ACIN1: variants seen among roughly 807,000 people sequenced by gnomAD.
The protein encoded by ACIN1 is apoptotic chromatin condensation inducer in the nucleus.
In ACIN1, 16 loss-of-function variants were observed where a neutral mutation model predicts 146.6. That is an observed-to-expected ratio of 0.11 (90% CI 0.07 to 0.17). The LOEUF (loss-of-function observed/expected upper bound fraction) is 0.17, where lower values mean the gene tolerates loss of function less well. Ranked by LOEUF, ACIN1 falls within the 10% of genes least tolerant of loss-of-function variation. The pLI, the probability that ACIN1 is intolerant of heterozygous loss-of-function variation, is 1.00. For synonymous variants in ACIN1, 569 were observed against 582.7 expected, an observed-to-expected ratio of 0.98 and a Z score of 0.34; for missense variants, 1,357 against 1,609.3, an observed-to-expected ratio of 0.84 and a Z score of 2.68.
chr14:23,083,487 C>CT (rs1428860100), intron 4 of ACIN1, among the ~76,000 whole-genome samples: 2 of 152,194 alleles, frequency 1.3e-5, no homozygotes, highest in Admixed American at 6.5e-5. Flanking sequence ...AATCCTAGCA[C>CT]TTTGAGAGGT....
In ACIN1 at chr14:23,090,117, C is replaced by T. The variant is rs752957374; in HGVS notation, c.317-16G>A. On this transcript the variant is annotated splice_polypyrimidine_tract_variant and intron_variant, in intron 3 of 18. Transcript: ENST00000605057. ...GCTGAAGCTTCTGCAAAGTACAGAT[C>T]GGGTCGGGGCAGGGAGGGAGTGAAG... is the stretch of plus-strand genomic sequence containing the variant. The T allele has an allele frequency of 2.0e-5, 32 of 1,611,020 alleles. No individual in the cohort carries two copies. The highest frequency in any genetic ancestry group is 2.7e-5 in the African/African-American group (2 of 74,800).
At chr14:23,081,429 C>G (rs149875662) in intron 5 of ACIN1, among the ~76,000 whole-genome samples, 1 of 151,974 alleles carries the variant, frequency 6.6e-6, no homozygotes, top group Non-Finnish European at 1.5e-5. Context: ...AAAGACAAAA[C>G]GAACAACAAA....
intron 10 of ACIN1, among the ~76,000 whole-genome samples, chr14:23,065,524 T>G (rs117613475): frequency 0.014 from 2,069 of 152,140 alleles, 24 homozygotes; most frequent in Non-Finnish European, 0.021. Context: ...GAGGCGGAGG[T>G]TGCAGTGAGC....
intron 9 of ACIN1, 149 bp from the exon 10 acceptor site, chr14:23,066,157 C>G (rs982016092): frequency 3.2e-6 from 2 of 618,254 alleles, no homozygotes; most frequent in Non-Finnish European, 5.5e-6. Context: ...CAGAGACAGA[C>G]AGAGACCAAA....
In ACIN1 at chr14:23,090,532, T is replaced by A; in HGVS notation, c.306A>T (p.Ala102=). 1.9e-6 allele frequency: 3 copies of A among 1,613,960 alleles called. No homozygotes were observed. The highest frequency in any genetic ancestry group is 2.5e-6 in the Non-Finnish European group (3 of 1,179,838). ...QRLEREAREA[A]ELEEASAESE... ...ACAATCTGGGCTTACCTTCAAGTTC[T>A]GCAGCTTCTCGAGCTTCACGTTCCA... Residue 102 remains alanine, a synonymous_variant, in exon 3 of 19, where the codon GCA becomes GCT. Coordinates refer to ENST00000605057, the MANE Select transcript of ACIN1 (RefSeq NM_001386863.1).
rs2047561099 is a variant in ACIN1, at chr14:23,069,491, A to C, written c.2250T>G (p.Asp750Glu). The change falls in exon 9 of 19, where the codon GAT (aspartate) becomes GAG (glutamate). Residue 750 changes from aspartate to glutamate, a missense_variant. This residue lies in a region of ACIN1 where 771 missense variants were observed against 746.6 expected (regional missense o/e 1.03). Transcript: ENST00000605057. Reference sequence around the variant, plus strand: ...GGATGTTTACCTCTTTCTTCTCCTCATCTTCAACACTGCCCTCCGGGCGGT... The same window carrying C: ...GGATGTTTACCTCTTTCTTCTCCTCCTCTTCAACACTGCCCTCCGGGCGGT... ...NDDRPEGSVE[D>E]EEKKESSLPK... 1.2e-6 allele frequency: 2 copies of C among 1,613,720 alleles called. No individual in the cohort carries two copies. Among genetic ancestry groups the C allele is most frequent in the Non-Finnish European group, 1.7e-6 (2 of 1,179,850 alleles).
At chr14:23,087,686 TCCC>T (rs1210229560) in intron 4 of ACIN1, among the ~76,000 whole-genome samples, 68 of 151,690 alleles carry the variant, frequency 4.5e-4, no homozygotes, top group Non-Finnish European at 1.2e-4. Context: ...TTTCAATGGT[TCCC>T]CCATTACCTA....
In ACIN1 at chr14:23,059,023, G is replaced by T; in HGVS notation, c.*125C>A. ...GGATGGCCACTTTTCCATTTGGTAT[G>T]TATGTAGGGATAGGTGATGTGAAAG... On this transcript the variant is annotated 3_prime_UTR_variant, in exon 19 of 19. Transcript: ENST00000605057. 4 of 864,694 alleles carry T rather than the reference G, an allele frequency of 4.6e-6. No homozygotes were observed. Among genetic ancestry groups the T allele is most frequent in the Non-Finnish European group, 7.3e-6 (4 of 549,788 alleles). The allele number at this position is 864,694 out of a possible 1,614,324, so 53.6% of individuals were successfully genotyped here. A position where few individuals can be genotyped will look rare whatever the true frequency, so the allele number is the denominator to read the frequency against.
Position 23,061,109 on chromosome 14 carries a change from T to C in ACIN1, c.3500A>G (p.Tyr1167Cys), listed in dbSNP as rs955575040. 2.5e-6 allele frequency: 4 copies of C among 1,613,920 alleles called. No individual in the cohort carries two copies. The highest frequency in any genetic ancestry group is 2.7e-5 in the African/African-American group (2 of 74,884). The change falls in exon 18 of 19, where the codon TAT becomes TGT. Residue 1167 changes from tyrosine to cysteine, a missense_variant. Coordinates refer to ENST00000605057, the MANE Select transcript of ACIN1 (RefSeq NM_001386863.1). Reference protein sequence around the residue: ...FRKTKAAPCIYWLPLTDSQIV... With the variant: ...FRKTKAAPCICWLPLTDSQIV... ...CTGGCTGTCAGTCAGTGGGAGCCAA[T>C]AGATGCAGGGAGCTGCCTTGGTCTT...
At chr14:23,085,983 T>C (rs913934499) in intron 4 of ACIN1, among the ~76,000 whole-genome samples, 15 of 152,240 alleles carry the variant, frequency 9.9e-5, no homozygotes, top group African/African-American at 3.4e-4. Flanking sequence ...AAGTGCAGAA[T>C]GTTTAAGGGT....
At chr14:23,070,846 A>G (rs981172133) in intron 8 of ACIN1, among the ~76,000 whole-genome samples, 1 of 152,084 alleles carries the variant, frequency 6.6e-6, no homozygotes, top group Non-Finnish European at 1.5e-5. Flanking sequence ...GGAGGGGAAA[A>G]TCGGAACTGT....
intron 8 of ACIN1, among the ~76,000 whole-genome samples, chr14:23,073,357 T>C (rs985128189): frequency 2.0e-5 from 3 of 152,224 alleles, no homozygotes; most frequent in Non-Finnish European, 4.4e-5. Context: ...TACTAAATGC[T>C]TGCTAACCTA....
Position 23,062,705 on chromosome 14 carries a change from T to C in ACIN1, c.2884-182A>G, listed in dbSNP as rs146360315. The C allele has an allele frequency of 1.7e-4, 129 of 747,860 alleles. 1 individual carries two copies. The East Asian group carries it at 2.4e-3, about 14-fold the overall frequency. The allele number at this position is 747,860 out of a possible 1,614,324, so 46.3% of individuals were successfully genotyped here. A position where few individuals can be genotyped will look rare whatever the true frequency, so the allele number is the denominator to read the frequency against. On this transcript the variant is annotated intron_variant, in intron 14 of 18. Transcript: ENST00000605057. ...GTGCTTCCCAGCACTAATTGAGACGTTGTATGTGAGGCCTTCTGCAAGTCC... is the reference window on the plus strand; with the variant it reads ...GTGCTTCCCAGCACTAATTGAGACGCTGTATGTGAGGCCTTCTGCAAGTCC...
chr14:23,084,895 C>T (rs924218739), intron 4 of ACIN1, among the ~76,000 whole-genome samples: 33 of 152,098 alleles, frequency 2.2e-4, no homozygotes, highest in African/African-American at 7.7e-4. Flanking sequence ...ATTCAGTGAT[C>T]TGAAATAGGC....
intron 3 of ACIN1, 55 bp downstream of exon 3, chr14:23,090,467 G>C: frequency 6.8e-7 from 1 of 1,476,566 alleles, no homozygotes; most frequent in Non-Finnish European, 9.4e-7. Context: ...CTATCTACTT[G>C]GTGACAGGGA....
At chr14:23,076,580 T>A (rs1195526511) in intron 8 of ACIN1, 1 of 152,206 alleles carries the variant, frequency 6.6e-6, no homozygotes, top group Non-Finnish European at 1.5e-5. Flanking sequence ...TGCCTTTCTG[T>A]TGCTAGGATC....
Position 23,059,018 on chromosome 14 carries a change from G to T in ACIN1, c.*130C>A. The T allele has an allele frequency of 2.4e-6, 2 of 829,708 alleles. No individual in the cohort carries two copies. Among genetic ancestry groups the T allele is most frequent in the Admixed American group, 2.4e-5 (1 of 41,110 alleles). The allele number at this position is 829,708 out of a possible 1,614,324, so 51.4% of individuals were successfully genotyped here. ...GAAAAGGATGGCCACTTTTCCATTT[G>T]GTATGTATGTAGGGATAGGTGATGT... On this transcript the variant is annotated 3_prime_UTR_variant, in exon 19 of 19. Coordinates refer to ENST00000605057, the MANE Select transcript of ACIN1 (RefSeq NM_001386863.1).
intron 7 of ACIN1, among the ~76,000 whole-genome samples, chr14:23,078,603 T>C (rs1326601757): frequency 3.9e-5 from 6 of 152,196 alleles, no homozygotes; most frequent in Non-Finnish European, 8.8e-5. Context: ...GAGGAAGAAT[T>C]GACCCTGGGG....
Position 23,061,632 on chromosome 14 carries a change from G to A in ACIN1, c.3100-10C>T. ...CTCGGTGATAATCCAGCTGTGGGGA[G>A]AGGAGGGACAAGGACAGTTAGGATA... On this transcript the variant is annotated splice_polypyrimidine_tract_variant and intron_variant, in intron 16 of 18. Coordinates refer to ENST00000605057, the MANE Select transcript of ACIN1 (RefSeq NM_001386863.1). 3 of 1,520,092 alleles carry A rather than the reference G, an allele frequency of 2.0e-6. No homozygotes were observed. Among genetic ancestry groups the A allele is most frequent in the Non-Finnish European group, 2.6e-6 (3 of 1,133,156 alleles). 94.2% of individuals were successfully genotyped at this position (1,520,092 alleles called of 1,614,324 possible). A position where few individuals can be genotyped will look rare whatever the true frequency, so the allele number is the denominator to read the frequency against.
Sources: allele counts gnomAD v4.1 joint callset (sites outside exome capture counted in the v4.1 genomes callset), GRCh38; gene constraint gnomAD v4.1.1; regional missense constraint gnomAD v4.1.1; transcripts MANE v1.5; gene names NCBI Gene and HGNC (gene_info 2026-07-23, HGNC 2026-07-21).